Variants in NQO2 observed in about 807,000 individuals in gnomAD.
NQO2 encodes the protein N-ribosyldihydronicotinamide:quinone dehydrogenase 2.
NQO2 carries 18 observed loss-of-function variants against 22.0 expected under a neutral mutation model. That is an observed-to-expected ratio of 0.82 (90% CI 0.56 to 1.21). The LOEUF (loss-of-function observed/expected upper bound fraction) is 1.21, where lower values mean the gene tolerates loss of function less well. Among genes scored for constraint, NQO2 ranks in the 50% most tolerant of loss-of-function variants. NQO2 has a pLI of 0.00. For missense variants in NQO2, 267 were observed against 286.9 expected, an observed-to-expected ratio of 0.93 and a Z score of 0.50; for synonymous variants, 106 against 110.8, an observed-to-expected ratio of 0.96 and a Z score of 0.28.
intron 1 of NQO2, among the ~76,000 whole-genome samples, chr6:3,000,656 C>T (rs1756655600): frequency 6.6e-6 from 1 of 151,896 alleles, no homozygotes; most frequent in Non-Finnish European, 1.5e-5. Context: ...ATTCTCCTGC[C>T]TCAGCCTCCC....
intron 6 of NQO2, 140 bp downstream of exon 6, chr6:3,017,125 C>A: frequency 2.1e-6 from 2 of 958,562 alleles, no homozygotes; most frequent in Non-Finnish European, 3.1e-6. Flanking sequence ...GGGATGGAAG[C>A]GTGATGCCCC....
At chr6:3,009,780 T>C (rs574491617) in intron 2 of NQO2, 1 of 247,952 alleles carries the variant, frequency 4.0e-6, no homozygotes, top group African/African-American at 2.3e-5. Context: ...GGCATGAGAA[T>C]CACTTGAACC....
intron 6 of NQO2, among the ~76,000 whole-genome samples, chr6:3,018,877 A>G (rs1757431949): frequency 6.6e-6 from 1 of 152,058 alleles, no homozygotes; most frequent in South Asian, 2.1e-4. Flanking sequence ...TGGCCAAAAA[A>G]AAAAGAGACA....
chr6:3,008,408 GT>G lies in NQO2; in HGVS notation c.8-1614del, dbSNP rs1438393810. ...GCCTGGGCAACAAGAGCGAAACTCT[GT>G]TTCAAAAAAAAAAAAAAAGAAAAAG... On this transcript the variant is annotated intron_variant, in intron 2 of 6. Transcript: ENST00000380455. 3.6e-5 allele frequency among the ~76,000 whole-genome samples: 5 copies of G among 138,568 alleles called. No homozygotes were observed. The East Asian group carries it at 8.3e-4, about 23-fold the overall frequency. The allele number at this position is 138,568 out of a possible 152,430, so 90.9% of individuals were successfully genotyped here. A position where few individuals can be genotyped will look rare whatever the true frequency, so the allele number is the denominator to read the frequency against.
intron 2 of NQO2, among the ~76,000 whole-genome samples, chr6:3,008,245 C>T (rs1380261922): frequency 4.6e-5 from 7 of 151,768 alleles, no homozygotes; most frequent in Admixed American, 1.3e-4. Context: ...TGGAGAAACC[C>T]GGTCTTAACT....
intron 3 of NQO2, among the ~76,000 whole-genome samples, chr6:3,010,830 T>A (rs1757112429): frequency 6.6e-6 from 1 of 151,898 alleles, no homozygotes; most frequent in Non-Finnish European, 1.5e-5. Context: ...TACCATGCTA[T>A]CCCCTTTGGA....
rs1756956221 is a variant in NQO2 at position 3,006,541 on chromosome 6, C to T, written c.-12C>T. 6.2e-7 allele frequency: 1 copy of T among 1,611,690 alleles called. No homozygotes were observed. Among genetic ancestry groups the T allele is most frequent in the South Asian group, 1.1e-5 (1 of 90,612 alleles). On this transcript the variant is annotated 5_prime_UTR_variant, in exon 2 of 7. Coordinates refer to ENST00000380455, the MANE Select transcript of NQO2 (RefSeq NM_000904.6). This position sits in a 1 kb window ranked among gnomAD's most constrained non-coding sequence, Gnocchi z 4.0. The stretch of plus-strand genomic sequence containing the variant: ...CATCAAATCAGAGAGAAGGAATCCA[C>T]CTTCTTACGCTATGGCAGGTAATGA...
At chr6:3,015,761 AC>A in intron 5 of NQO2, 118 bp downstream of exon 5, 1 of 941,716 alleles carries the variant, frequency 1.1e-6, no homozygotes, top group Non-Finnish European at 1.6e-6. Context: ...TCGATTGAGC[AC>A]CCACTATGTA....
At chr6:3,010,415 G>A (rs1015814288) in intron 3 of NQO2, among the ~76,000 whole-genome samples, 3 of 151,540 alleles carry the variant, frequency 2.0e-5, no homozygotes, top group Non-Finnish European at 4.4e-5. Flanking sequence ...CCAAGCAGAC[G>A]GTAAGAGATT....
At position 3,019,565 on chromosome 6, in the gene NQO2, G is replaced by C. The variant is rs575259363; in HGVS notation, c.606G>C (p.Lys202Asn). The C allele has an allele frequency of 2.5e-6, 4 of 1,614,080 alleles. No homozygotes were observed. The highest frequency in any genetic ancestry group is 3.4e-6 in the Non-Finnish European group (4 of 1,180,046). Reference sequence around the variant, plus strand: ...AAATTGCATCCGAAGAAGAAAGAAAGGGGATGGTGGCTGCGTGGTCCCAGA... The same window carrying C: ...AAATTGCATCCGAAGAAGAAAGAAACGGGATGGTGGCTGCGTGGTCCCAGA... ...APEIASEEER[K>N]GMVAAWSQRL... Residue 202 changes from lysine to asparagine, a missense_variant, in exon 7 of 7, where the codon AAG becomes AAC. Physicochemically the swap from Lys to Asn is moderately conservative, Grantham distance 94 (BLOSUM62 0). Transcript: ENST00000380455.
chr6:3,017,777 GT>G (rs1314856215), intron 6 of NQO2, among the ~76,000 whole-genome samples: 1 of 152,184 alleles, frequency 6.6e-6, no homozygotes, highest in Non-Finnish European at 1.5e-5. Flanking sequence ...CTTCCAGGTT[GT>G]TTAAGGGAGG....
intron 1 of NQO2, among the ~76,000 whole-genome samples, chr6:3,000,527 GA>G (rs113900840): frequency 0.32 from 46,898 of 147,606 alleles, 7,556 homozygotes; most frequent in African/African-American, 0.38. Flanking sequence ...ATCTCTCTGG[GA>G]AAAAAAAAAA....
chr6:3,017,720 C>G (rs984315629), intron 6 of NQO2, among the ~76,000 whole-genome samples: 14 of 152,142 alleles, frequency 9.2e-5, no homozygotes, highest in African/African-American at 3.4e-4. Context: ...GGAGCAGACT[C>G]CAGGTCAGGG....
Position 3,006,587 on chromosome 6 carries a change from C to CTTT in NQO2, c.7+38_7+40dup, listed in dbSNP as rs371505172. 6 of 1,183,598 alleles carry CTTT rather than the reference C, an allele frequency of 5.1e-6. No individual in the cohort carries two copies. The highest frequency in any genetic ancestry group is 4.7e-6 in the Non-Finnish European group (4 of 858,596). The allele number at this position is 1,183,598 out of a possible 1,614,324, so 73.3% of individuals were successfully genotyped here. A position where few individuals can be genotyped will look rare whatever the true frequency, so the allele number is the denominator to read the frequency against. On this transcript the variant is annotated intron_variant, in intron 2 of 6. Coordinates refer to ENST00000380455, the MANE Select transcript of NQO2 (RefSeq NM_000904.6). This position sits in a 1 kb window ranked among gnomAD's most constrained non-coding sequence, Gnocchi z 4.0. The stretch of plus-strand genomic sequence containing the variant: ...AATGATTCACTATTGTGGAGTAAGA[C>CTTT]TTTTTTTTTTTTGAGATGGGATTTT...
chr6:3,013,017 G>A (rs1395949654), intron 4 of NQO2, among the ~76,000 whole-genome samples: 5 of 135,920 alleles, frequency 3.7e-5, no homozygotes, highest in African/African-American at 8.2e-5. Context: ...GTGCAGTGGC[G>A]GGATCTCGGC....
chr6:3,008,641 C>G (rs1463114562), intron 2 of NQO2, among the ~76,000 whole-genome samples: 1 of 152,124 alleles, frequency 6.6e-6, no homozygotes, highest in Admixed American at 6.5e-5. Flanking sequence ...GGGGGAAATT[C>G]AGCCAGATAT....
Position 3,000,078 on chromosome 6 carries a change from G to A in NQO2, c.-93G>A, listed in dbSNP as rs1038514502. On this transcript the variant is annotated 5_prime_UTR_variant, in exon 1 of 7. Transcript: ENST00000380455. ...GCGGCTCCTACTGGGGAGTGCGCTG[G>A]TCGGAAGGTGAGTGATCCCCTGTCG... 2 of 152,504 alleles carry A rather than the reference G, an allele frequency of 1.3e-5. No individual in the cohort carries two copies. Among genetic ancestry groups the A allele is most frequent in the African/African-American group, 2.4e-5 (1 of 41,470 alleles). The allele number at this position is 152,504 out of a possible 1,614,324, so 9.4% of individuals were successfully genotyped here. A position where few individuals can be genotyped will look rare whatever the true frequency, so the allele number is the denominator to read the frequency against.
In NQO2 at chr6:3,015,560, A is replaced by G. The variant is rs369019442; in HGVS notation, c.334A>G (p.Ile112Val). The G allele has an allele frequency of 1.2e-6, 2 of 1,614,128 alleles. No homozygotes were observed. Among genetic ancestry groups the G allele is most frequent in the African/African-American group, 2.7e-5 (2 of 75,038 alleles). Reference sequence around the variant, plus strand: ...GCTGTACTGGTTCAGCGTGCCAGCCATCCTGAAGGGCTGGATGGATAGGGT... The same window carrying G: ...GCTGTACTGGTTCAGCGTGCCAGCCGTCCTGAAGGGCTGGATGGATAGGGT... ...FPLYWFSVPA[I>V]LKGWMDRVLC... Residue 112 changes from isoleucine to valine, a missense_variant, in exon 5 of 7, where the codon ATC (isoleucine) becomes GTC (valine). By Grantham distance (29) the Ile-to-Val change is conservative. Transcript: ENST00000380455.
chr6:3,019,181 C>A (rs1413825645), intron 6 of NQO2, among the ~76,000 whole-genome samples: 1 of 152,036 alleles, frequency 6.6e-6, no homozygotes, highest in Non-Finnish European at 1.5e-5. Flanking sequence ...CATAATTTGC[C>A]CAATCAAGCA....
Sources: gnomAD v4.1 joint callset for allele counts (sites outside exome capture counted in the v4.1 genomes callset) on GRCh38, gnomAD v4.1.1 for gene constraint, Gnocchi (gnomAD v3.1) non-coding constraint, MANE v1.5 for transcripts, NCBI Gene and HGNC (gene_info 2026-07-23, HGNC 2026-07-21) for gene names.